The following RNF24 variants were observed in gnomAD, a reference collection of about 807,000 sequenced individuals.
RNF24 encodes ring finger protein 24.
In RNF24, 14 loss-of-function variants were observed where a neutral mutation model predicts 20.0. The ratio of observed to expected loss-of-function variants is 0.70; its 90% CI spans 0.46 to 1.10. The LOEUF is 1.10. RNF24 is among the 50% of genes least tolerant of loss of function. RNF24 has a pLI of 0.00. For synonymous variants in RNF24, 45 were observed against 61.1 expected (o/e 0.74, Z 1.23); for missense variants, 124 against 177.6 (o/e 0.70, Z 1.71).
intron 2 of RNF24, 148 bp downstream of exon 2, chr20:3,963,727 C>T (rs1397036314): frequency 2.2e-5 from 13 of 590,280 alleles, no homozygotes; most frequent in Non-Finnish European, 3.8e-5. Context: ...TTACTGATTA[C>T]TAATGCACAG....
chr20:3,983,070 T>G (rs1979562252), intron 1 of RNF24, among the ~76,000 whole-genome samples: 2 of 152,226 alleles, frequency 1.3e-5, no homozygotes, highest in Admixed American at 1.3e-4. Flanking sequence ...CACCATGTTA[T>G]GATGCAGCAG....
intron 4 of RNF24, 144 bp from the exon 5 acceptor site, chr20:3,935,217 A>C: frequency 2.5e-5 from 15 of 590,396 alleles, no homozygotes; most frequent in East Asian, 8.8e-5. Context: ...GAATGAATAA[A>C]TGACTGAAAA....
At chr20:3,984,984 T>C (rs1386913030) in intron 1 of RNF24, among the ~76,000 whole-genome samples, 1 of 152,200 alleles carries the variant, frequency 6.6e-6, no homozygotes, top group Admixed American at 6.5e-5. Context: ...TTTCCTTTTC[T>C]GAGGCTTCCT....
intron 1 of RNF24, among the ~76,000 whole-genome samples, chr20:4,007,570 C>G (rs916141498): frequency 6.6e-6 from 1 of 151,708 alleles, no homozygotes; most frequent in Admixed American, 6.6e-5. Context: ...AAACAAAGAA[C>G]AGGACTTGGC....
At chr20:4,006,927 A>C (rs983751777) in intron 1 of RNF24, among the ~76,000 whole-genome samples, 47 of 152,208 alleles carry the variant, frequency 3.1e-4, no homozygotes, top group African/African-American at 1.1e-3. Flanking sequence ...GCTGGCTTTC[A>C]AAGGACTGCA....
At chr20:3,959,565 G>T (rs1040769492) in intron 2 of RNF24, among the ~76,000 whole-genome samples, 1 of 152,074 alleles carries the variant, frequency 6.6e-6, no homozygotes, top group African/African-American at 2.4e-5. Flanking sequence ...ATCAAATCAG[G>T]GTAACTGGGG....
At chr20:3,974,439 A>T in intron 1 of RNF24, 8 of 1,505,724 alleles carry the variant, frequency 5.3e-6, no homozygotes, top group Non-Finnish European at 7.1e-6. Flanking sequence ...AATAAAAGGC[A>T]TACACATCAG....
intron 1 of RNF24, among the ~76,000 whole-genome samples, chr20:3,978,362 A>C (rs1979080507): frequency 6.9e-6 from 1 of 144,184 alleles, no homozygotes; most frequent in African/African-American, 2.6e-5. Context: ...AAAAGTAAAA[A>C]AAAATTAATG....
chr20:3,934,103 G>A lies in RNF24; in HGVS notation c.407C>T (p.Pro136Leu), dbSNP rs139037742. Residue 136 changes from proline (P) to leucine (L), a missense_variant, in exon 6 of 6, where the codon CCC (proline) becomes CTC (leucine). Pro to Leu is a moderately conservative substitution (Grantham distance 98). Coordinates refer to ENST00000358395, the MANE Select transcript of RNF24 (RefSeq NM_001134337.3). The surrounding 1 kb of genome is among the most constrained non-coding windows in gnomAD (Gnocchi z 4.0). The part of the protein sequence containing the change: ...AQLHSKQDRG[P>L]PQGPLPGAEN... Reference sequence around the variant, plus strand: ...TGCCCCAGGAAGGGGCCCCTGAGGGGGTCCACGGTCCTGCTTACTGTGCAA... The same window carrying A: ...TGCCCCAGGAAGGGGCCCCTGAGGGAGTCCACGGTCCTGCTTACTGTGCAA... 29 of 1,540,288 alleles carry A rather than the reference G, an allele frequency of 1.9e-5. No individual in the cohort carries two copies. The highest frequency in any genetic ancestry group is 2.5e-5 in the Non-Finnish European group (29 of 1,145,616).
intron 1 of RNF24, among the ~76,000 whole-genome samples, chr20:3,993,282 G>A (rs1362817214): frequency 6.6e-6 from 1 of 151,826 alleles, no homozygotes; most frequent in Non-Finnish European, 1.5e-5. Flanking sequence ...AGAAGAAACT[G>A]AAAACTCACA....
Position 3,932,256 on chromosome 20 carries a change from A to AAAT in RNF24, c.*1804_*1806dup, listed in dbSNP as rs1252994744. On this transcript the variant is annotated 3_prime_UTR_variant, in exon 6 of 6. Coordinates refer to ENST00000358395, the MANE Select transcript of RNF24 (RefSeq NM_001134337.3). The stretch of plus-strand genomic sequence containing the variant: ...GTGGCATTCAACTCTGTTGTGCTAC[A>AAAT]AATAGAGAATGCAAAAAGACGGTGA... 4.6e-5 allele frequency: 7 copies of AAAT among 152,194 alleles called. No homozygotes were observed. Among genetic ancestry groups the AAAT allele is most frequent in the African/African-American group, 1.7e-4 (7 of 41,430 alleles). 9.4% of individuals were successfully genotyped at this position (152,194 alleles called of 1,614,324 possible).
chr20:3,979,349 C>T (rs1979190253), intron 1 of RNF24, among the ~76,000 whole-genome samples: 1 of 151,914 alleles, frequency 6.6e-6, no homozygotes, highest in South Asian at 2.1e-4. Flanking sequence ...CAAAAGGAAA[C>T]TACTTATAAA....
At chr20:3,942,268 A>G (rs1409837423) in intron 4 of RNF24, among the ~76,000 whole-genome samples, 1 of 150,482 alleles carries the variant, frequency 6.6e-6, no homozygotes, top group Non-Finnish European at 1.5e-5. Flanking sequence ...TCCTGGGCTC[A>G]AGCAATCCTC....
At chr20:3,973,224 T>C (rs1462781888) in intron 1 of RNF24, among the ~76,000 whole-genome samples, 1 of 148,596 alleles carries the variant, frequency 6.7e-6, no homozygotes, top group Admixed American at 6.7e-5. Flanking sequence ...AAAAAGAAAA[T>C]GAAAATACAA....
chr20:4,006,023 T>A (rs1400146285), intron 1 of RNF24, among the ~76,000 whole-genome samples: 1 of 152,124 alleles, frequency 6.6e-6, no homozygotes, highest in Non-Finnish European at 1.5e-5. Flanking sequence ...CGGGAAAACA[T>A]AAGTACCATC....
chr20:3,990,026 A>AAG (rs751106005), intron 1 of RNF24, among the ~76,000 whole-genome samples: 2 of 152,136 alleles, frequency 1.3e-5, no homozygotes, highest in East Asian at 1.9e-4. Context: ...ATTAGAGAGA[A>AAG]AGAGAGAGAG....
At chr20:3,979,850 ATAAGTG>A (rs11470097) in intron 1 of RNF24, among the ~76,000 whole-genome samples, 2,011 of 152,310 alleles carry the variant, frequency 0.013, 54 homozygotes, top group African/African-American at 0.046. Context: ...GTGTAGGTGT[ATAAGTG>A]TAACTGATCG....
Position 3,998,734 on chromosome 20 carries a change from T to C in RNF24, c.-8+16703A>G, listed in dbSNP as rs1981126559. Among the ~76,000 whole-genome samples the C allele has an allele frequency of 2.0e-5, 3 of 149,782 alleles. No homozygotes were observed. In the South Asian group the frequency reaches 6.3e-4, roughly 32 times the overall value. ...TCACGCCATTGTACTCTAGCCTGGG[T>C]GACAGAGCGAGATTCCGTCTCAAAA... On this transcript the variant is annotated intron_variant, in intron 1 of 5. Coordinates refer to ENST00000358395, the MANE Select transcript of RNF24 (RefSeq NM_001134337.3).
intron 1 of RNF24, among the ~76,000 whole-genome samples, chr20:3,998,407 T>C (rs1981069719): frequency 6.6e-6 from 1 of 151,792 alleles, no homozygotes; most frequent in Non-Finnish European, 1.5e-5. Context: ...AAACCCCGTC[T>C]CTACTAAAAA....
Sources: allele counts gnomAD v4.1 joint callset (sites outside exome capture counted in the v4.1 genomes callset), GRCh38; gene constraint gnomAD v4.1.1; non-coding constraint Gnocchi (gnomAD v3.1); transcripts MANE v1.5; gene names NCBI Gene and HGNC (gene_info 2026-07-23, HGNC 2026-07-21).